CDKAL1: variants seen among roughly 807,000 people sequenced by gnomAD.
CDKAL1 encodes CDKAL1 threonylcarbamoyladenosine tRNA methylthiotransferase.
In CDKAL1, 32 loss-of-function variants were observed where a neutral mutation model predicts 68.2. The ratio of observed to expected loss-of-function variants is 0.47; its 90% confidence interval spans 0.35 to 0.63. The LOEUF is 0.63. Ranked by LOEUF, CDKAL1 falls within the 30% of genes least tolerant of loss-of-function variation. CDKAL1 has a pLI of 0.00. For missense variants in CDKAL1, 606 were observed against 696.7 expected, an observed-to-expected ratio of 0.87 and a Z score of 1.47; for synonymous variants, 234 against 244.3, an observed-to-expected ratio of 0.96 and a Z score of 0.39.
intron 10 of CDKAL1, among the ~76,000 whole-genome samples, chr6:20,998,931 G>A (rs991478762): frequency 1.3e-5 from 2 of 152,178 alleles, no homozygotes; most frequent in Admixed American, 6.5e-5. Flanking sequence ...AAATGCTAAT[G>A]TTCACAGTCA....
chr6:20,645,292 C>A, intron 4 of CDKAL1, among the ~76,000 whole-genome samples: 1 of 152,058 alleles, frequency 6.6e-6, no homozygotes, highest in Admixed American at 6.5e-5. Context: ...AATAAATTAA[C>A]CTTAGCTTAC....
rs1770626785 is a variant in CDKAL1 at position 21,053,007 on chromosome 6, TATTC to T, written c.1056-12035_1056-12032del. ...GTAGGATAATTTAGAGAACACAGAA[TATTC>T]ATTCAATGTAAGTGTTTTGAAGATT... On this transcript the variant is annotated intron_variant, in intron 11 of 15. Coordinates refer to ENST00000274695, the MANE Select transcript of CDKAL1 (RefSeq NM_017774.3). Among the ~76,000 whole-genome samples the T allele has an allele frequency of 8.5e-5, 13 of 152,326 alleles. No homozygotes were observed. In the South Asian group the frequency reaches 2.5e-3, roughly 29 times the overall value.
chr6:20,552,883 A>G (rs1763889031), intron 4 of CDKAL1, among the ~76,000 whole-genome samples: 1 of 152,184 alleles, frequency 6.6e-6, no homozygotes, highest in African/African-American at 2.4e-5. Context: ...ATTTGATATG[A>G]ATGACTTCTG....
intron 5 of CDKAL1, among the ~76,000 whole-genome samples, chr6:20,733,964 C>T (rs1773070519): frequency 6.6e-6 from 1 of 151,846 alleles, no homozygotes; most frequent in South Asian, 2.1e-4. Flanking sequence ...GGCTGGCCAA[C>T]ATGGTGAAAC....
chr6:21,001,431 A>G (rs1458448151), intron 11 of CDKAL1, among the ~76,000 whole-genome samples: 3 of 150,344 alleles, frequency 2.0e-5, no homozygotes, highest in Non-Finnish European at 3.0e-5. Flanking sequence ...TTTCCATTAC[A>G]TATCTTTCTA....
intron 9 of CDKAL1, among the ~76,000 whole-genome samples, chr6:20,939,743 T>A (rs1257373694): frequency 6.6e-6 from 1 of 152,152 alleles, no homozygotes; most frequent in Non-Finnish European, 1.5e-5. Flanking sequence ...GAGATGGTGT[T>A]TTTATCAAGT....
chr6:21,231,217 G>C lies in CDKAL1; in HGVS notation c.*178G>C. On this transcript the variant is annotated 3_prime_UTR_variant, in exon 16 of 16. Coordinates refer to ENST00000274695, the MANE Select transcript of CDKAL1 (RefSeq NM_017774.3). ...TGTCTCACATTGAGTTGGGCCCATT[G>C]GTTATTTGACCTAAAACCTAATCAC... 2.2e-6 allele frequency: 1 copy of C among 462,104 alleles called. No individual in the cohort carries two copies. Among genetic ancestry groups the C allele is most frequent in the South Asian group, 6.2e-5 (1 of 16,236 alleles). The allele number at this position is 462,104 out of a possible 1,614,324, so 28.6% of individuals were successfully genotyped here.
chr6:20,813,750 T>C (rs1365775156), intron 8 of CDKAL1, among the ~76,000 whole-genome samples: 2 of 152,170 alleles, frequency 1.3e-5, no homozygotes, highest in African/African-American at 4.8e-5. Context: ...ACTGACTCTA[T>C]ATATGTGGGT....
chr6:20,719,538 A>G (rs1012174002), intron 5 of CDKAL1, among the ~76,000 whole-genome samples: 1 of 152,186 alleles, frequency 6.6e-6, no homozygotes, highest in Non-Finnish European at 1.5e-5. Context: ...GACTTTAGAG[A>G]CAGCTACCAT....
At chr6:20,563,441 A>G (rs1205887687) in intron 4 of CDKAL1, among the ~76,000 whole-genome samples, 1 of 152,180 alleles carries the variant, frequency 6.6e-6, no homozygotes, top group East Asian at 1.9e-4. Context: ...TCCATTTGTA[A>G]CGGCTTTTTA....
chr6:20,656,198 A>G (rs751915964), intron 5 of CDKAL1, among the ~76,000 whole-genome samples: 48 of 152,212 alleles, frequency 3.2e-4, no homozygotes, highest in South Asian at 6.2e-4. Flanking sequence ...TTCCTAGATA[A>G]AGATGTCAAG....
chr6:20,694,442 G>A (rs1370555463), intron 5 of CDKAL1, among the ~76,000 whole-genome samples: 3 of 152,130 alleles, frequency 2.0e-5, no homozygotes, highest in Non-Finnish European at 4.4e-5. Flanking sequence ...CTCTACCTGT[G>A]CATCAGGATG....
intron 11 of CDKAL1, among the ~76,000 whole-genome samples, chr6:21,003,371 T>TATATATATATATATATAC: frequency 0.01 from 509 of 49,084 alleles, 12 homozygotes; most frequent in Non-Finnish European, 0.014. Context: ...TATATATATA[T>TATATATATATATATATAC]ACACACACAC....
intron 4 of CDKAL1, among the ~76,000 whole-genome samples, chr6:20,629,458 A>G (rs1168437300): frequency 6.6e-6 from 1 of 152,054 alleles, no homozygotes; most frequent in Non-Finnish European, 1.5e-5. Context: ...CTTTGAGGCT[A>G]TGTAAATTTC....
chr6:20,602,578 G>A (rs1270243166), intron 4 of CDKAL1, among the ~76,000 whole-genome samples: 1 of 152,152 alleles, frequency 6.6e-6, no homozygotes, highest in East Asian at 1.9e-4. Flanking sequence ...CCTGAAAATG[G>A]CATAATTATA....
intron 5 of CDKAL1, among the ~76,000 whole-genome samples, chr6:20,671,621 T>A (rs1769818436): frequency 1.3e-5 from 2 of 152,230 alleles, no homozygotes; most frequent in African/African-American, 4.8e-5. Context: ...GAGTTTATTC[T>A]TATCTACGGT....
intron 13 of CDKAL1, among the ~76,000 whole-genome samples, chr6:21,118,746 G>C (rs73383743): frequency 0.014 from 2,089 of 152,250 alleles, 41 homozygotes; most frequent in African/African-American, 0.045. Flanking sequence ...GGGTACCTTT[G>C]AGAATTCCAG....
intron 8 of CDKAL1, among the ~76,000 whole-genome samples, chr6:20,822,789 T>A (rs1166950666): frequency 6.6e-6 from 1 of 152,132 alleles, no homozygotes. Flanking sequence ...GTGCCTTGCT[T>A]TCCCTTCACC....
intron 11 of CDKAL1, among the ~76,000 whole-genome samples, chr6:21,035,002 T>A (rs1337029944): frequency 6.6e-6 from 1 of 152,150 alleles, no homozygotes; most frequent in Non-Finnish European, 1.5e-5. Flanking sequence ...ACATATCTCA[T>A]GTGAAGAGAT....
Sources: allele counts gnomAD v4.1 joint callset (sites outside exome capture counted in the v4.1 genomes callset), GRCh38; gene constraint gnomAD v4.1.1; transcripts MANE v1.5; gene names NCBI Gene and HGNC (gene_info 2026-07-23, HGNC 2026-07-21).